The following YEATS4 variants were observed in gnomAD, a reference collection of about 807,000 sequenced individuals.
The protein encoded by YEATS4 is YEATS domain-containing protein 4.
Under a neutral mutation model 30.1 loss-of-function variants are expected in YEATS4, and 17 were observed. That is an observed-to-expected ratio of 0.56 (90% confidence interval 0.39 to 0.85). The LOEUF (loss-of-function observed/expected upper bound fraction) is 0.85, where lower values mean the gene tolerates loss of function less well. Ranked by LOEUF, YEATS4 falls within the 40% of genes least tolerant of loss-of-function variation. The pLI is 0.00. For synonymous variants in YEATS4, 85 were observed against 87.5 expected, an observed-to-expected ratio of 0.97 and a Z score of 0.16; for missense variants, 142 against 268.3, an observed-to-expected ratio of 0.53 and a Z score of 3.29.
chr12:69,371,098 A>C, intron 6 of YEATS4, 123 bp downstream of exon 6: 6 of 901,222 alleles, frequency 6.7e-6, no homozygotes, highest in Non-Finnish European at 9.9e-6. Context: ...GTGTTAAAAA[A>C]CACAGTTTGT....
Position 69,365,893 on chromosome 12 carries a change from C to T in YEATS4, c.333+9C>T. On this transcript the variant is annotated intron_variant, in intron 4 of 6. Coordinates refer to ENST00000247843, the MANE Select transcript of YEATS4 (RefSeq NM_006530.4). ...ACCCTAATGAAAGACCTGTGAGTAGCATTAATCTTTGTAAATATAAAATAG... is the reference window on the plus strand; with the variant it reads ...ACCCTAATGAAAGACCTGTGAGTAGTATTAATCTTTGTAAATATAAAATAG... 1.3e-6 allele frequency: 2 copies of T among 1,539,192 alleles called. No individual in the cohort carries two copies. Among genetic ancestry groups the T allele is most frequent in the Non-Finnish European group, 1.8e-6 (2 of 1,133,532 alleles).
rs992308026 is a variant in YEATS4, at chr12:69,359,936, C to T, written c.-37C>T. Reference sequence around the variant, plus strand: ...GCGGCGACCCCGCCAGCCCCGGTCTCTTTCCCTGGCGGCGGCGGCTTCTTC... The same window carrying T: ...GCGGCGACCCCGCCAGCCCCGGTCTTTTTCCCTGGCGGCGGCGGCTTCTTC... On this transcript the variant is annotated 5_prime_UTR_variant, in exon 1 of 7. Transcript: ENST00000247843. 6.2e-6 allele frequency: 10 copies of T among 1,611,898 alleles called. No homozygotes were observed. The highest frequency in any genetic ancestry group is 2.7e-5 in the African/African-American group (2 of 74,908).
At chr12:69,411,843 T>G in the YEATS4 span, among the ~76,000 whole-genome samples, 2 of 152,194 alleles carry the variant, frequency 1.3e-5, no homozygotes, top group Non-Finnish European at 2.9e-5. Context: ...CAGGGGCCAA[T>G]GTGGCCGATG....
intron 6 of YEATS4, among the ~76,000 whole-genome samples, chr12:69,381,911 T>C (rs1237012623): frequency 6.6e-6 from 1 of 152,270 alleles, no homozygotes; most frequent in Non-Finnish European, 1.5e-5. Context: ...ATTCCACAAT[T>C]TACTACAGTG....
chr12:69,375,020 C>T (rs868083837), intron 6 of YEATS4, among the ~76,000 whole-genome samples: 19 of 149,994 alleles, frequency 1.3e-4, no homozygotes, highest in East Asian at 4.1e-4. Flanking sequence ...CCCCACCTCC[C>T]GGACGGGGCA....
chr12:69,417,028 A>G, the YEATS4 span, among the ~76,000 whole-genome samples: 1 of 151,852 alleles, frequency 6.6e-6, no homozygotes, highest in Non-Finnish European at 1.5e-5. Flanking sequence ...AGCCAAGATC[A>G]CACCACTGCA....
chr12:69,410,784 A>T, the YEATS4 span, among the ~76,000 whole-genome samples: 1 of 152,188 alleles, frequency 6.6e-6, no homozygotes, highest in East Asian at 1.9e-4. Context: ...TCTCATAACT[A>T]ATCGGGACAT....
intron 2 of YEATS4, 30 bp downstream of exon 2, chr12:69,362,937 TA>T (rs1875277827): frequency 1.3e-6 from 2 of 1,519,102 alleles, no homozygotes; most frequent in Non-Finnish European, 1.8e-6. Flanking sequence ...GTAACTGTTT[TA>T]CTTAAAGTTG....
intron 6 of YEATS4, among the ~76,000 whole-genome samples, chr12:69,372,205 T>A (rs774658004): frequency 6.6e-6 from 1 of 152,208 alleles, no homozygotes; most frequent in Non-Finnish European, 1.5e-5. Context: ...ATGTTTAATT[T>A]TGTGGGTATA....
At chr12:69,399,024 G>C in the YEATS4 span, among the ~76,000 whole-genome samples, 1 of 151,842 alleles carries the variant, frequency 6.6e-6, no homozygotes, top group Admixed American at 6.6e-5. Flanking sequence ...GCGGGTGCCT[G>C]TAGTCCCAGG....
At chr12:69,395,463 CAG>C (rs140908210), downstream of YEATS4, among the ~76,000 whole-genome samples, 9,305 of 152,098 alleles carry the variant, frequency 0.061, 421 homozygotes, top group African/African-American at 0.13. Flanking sequence ...GTTTGAAAAA[CAG>C]TGTTTATGAT....
chr12:69,363,336 G>T (rs1047964082), intron 2 of YEATS4, among the ~76,000 whole-genome samples: 3 of 151,958 alleles, frequency 2.0e-5, no homozygotes, highest in African/African-American at 7.3e-5. Context: ...TTATAAAATT[G>T]GTCCGTTGTA....
At chr12:69,412,832 G>C in the YEATS4 span, among the ~76,000 whole-genome samples, 1 of 152,064 alleles carries the variant, frequency 6.6e-6, no homozygotes, top group East Asian at 1.9e-4. Context: ...GGATGACATG[G>C]GAGGGAGAGC....
At chr12:69,408,476 G>A in the YEATS4 span, among the ~76,000 whole-genome samples, 23 of 152,214 alleles carry the variant, frequency 1.5e-4, no homozygotes, top group Admixed American at 3.3e-4. Flanking sequence ...AAGGATGTGC[G>A]CATGTGCGTG....
intron 6 of YEATS4, among the ~76,000 whole-genome samples, chr12:69,379,558 C>T (rs1389246021): frequency 6.8e-6 from 1 of 148,056 alleles, no homozygotes; most frequent in East Asian, 2.0e-4. Context: ...GACCCACAGG[C>T]ACATGCCACC....
At chr12:69,380,649 C>T (rs1876038877) in intron 6 of YEATS4, among the ~76,000 whole-genome samples, 1 of 152,158 alleles carries the variant, frequency 6.6e-6, no homozygotes, top group Middle Eastern at 3.4e-3. Flanking sequence ...CTATAATCAG[C>T]AGGTGATGAA....
In YEATS4 at chr12:69,385,552, G is replaced by A. The variant is rs1168790107; in HGVS notation, c.515-4595G>A. On this transcript the variant is annotated intron_variant, in intron 6 of 6. Transcript: ENST00000247843. Reference sequence around the variant, plus strand: ...TAGGTAATATTTAGAAAAGGAAACCGAGGTATAAGGAGGTTAAGAAACTTG... The same window carrying A: ...TAGGTAATATTTAGAAAAGGAAACCAAGGTATAAGGAGGTTAAGAAACTTG... Among the ~76,000 whole-genome samples the A allele has an allele frequency of 2.6e-5, 4 of 152,194 alleles. No individual in the cohort carries two copies. In the East Asian group the frequency reaches 7.7e-4, roughly 29 times the overall value.
chr12:69,395,045 G>A (rs1249766865), downstream of YEATS4, among the ~76,000 whole-genome samples: 1 of 152,024 alleles, frequency 6.6e-6, no homozygotes, highest in African/African-American at 2.4e-5. Flanking sequence ...TACAATGATG[G>A]GATTATAAAT....
At chr12:69,366,949 G>C (rs900595086) in intron 4 of YEATS4, among the ~76,000 whole-genome samples, 3 of 152,164 alleles carry the variant, frequency 2.0e-5, no homozygotes, top group East Asian at 3.8e-4. Flanking sequence ...TGGAGAGTCT[G>C]ATTCAGTAGG....
Sources: allele counts gnomAD v4.1 joint callset (sites outside exome capture counted in the v4.1 genomes callset), GRCh38; gene constraint gnomAD v4.1.1; transcripts MANE v1.5; gene names NCBI Gene and HGNC (gene_info 2026-07-23, HGNC 2026-07-21).